PMFBP1: variants seen among roughly 807,000 people sequenced by gnomAD.
PMFBP1 encodes the protein polyamine-modulated factor 1-binding protein 1.
PMFBP1 carries 131 observed loss-of-function variants against 137.8 expected under a neutral mutation model. That is an observed-to-expected ratio of 0.95 (90% CI 0.82 to 1.10). PMFBP1 has a LOEUF of 1.10. PMFBP1 is among the 50% of genes least tolerant of loss of function. PMFBP1 has a pLI of 0.00. For missense variants in PMFBP1, 1,199 were observed against 1,175.4 expected, an observed-to-expected ratio of 1.02 and a Z score of -0.29; for synonymous variants, 490 against 450.4, an observed-to-expected ratio of 1.09 and a Z score of -1.11.
upstream of PMFBP1, chr16:72,173,890 C>T (rs1434721301): frequency 6.6e-6 from 1 of 152,286 alleles, no homozygotes; most frequent in East Asian, 1.9e-4. Flanking sequence ...GGACTTTGCT[C>T]ATGTCTCCCT....
chr16:72,191,273 T>C, the PMFBP1 span, among the ~76,000 whole-genome samples: 2 of 152,240 alleles, frequency 1.3e-5, no homozygotes, highest in Admixed American at 1.3e-4. Context: ...TAAGAAAATG[T>C]AAAACAATTT....
upstream of PMFBP1, among the ~76,000 whole-genome samples, chr16:72,178,364 T>C (rs1379646280): frequency 6.6e-6 from 1 of 152,212 alleles, no homozygotes; most frequent in Non-Finnish European, 1.5e-5. Context: ...AATAAATATA[T>C]TAAGGGAGAT....
the PMFBP1 span, among the ~76,000 whole-genome samples, chr16:72,202,757 G>A: frequency 6.6e-6 from 1 of 152,154 alleles, no homozygotes; most frequent in Admixed American, 6.5e-5. Context: ...CTGCTCCTCG[G>A]GCTTTTGACA....
chr16:72,181,250 AT>A (rs1417374378), upstream of PMFBP1, among the ~76,000 whole-genome samples: 23 of 148,436 alleles, frequency 1.5e-4, no homozygotes, highest in South Asian at 4.3e-4. Context: ...AAAAAAAAAA[AT>A]AATAATAATA....
upstream of PMFBP1, among the ~76,000 whole-genome samples, chr16:72,177,780 A>G (rs944207422): frequency 6.6e-6 from 1 of 152,074 alleles, no homozygotes; most frequent in Non-Finnish European, 1.5e-5. Flanking sequence ...ATATCTTTAG[A>G]CTCCACTAAT....
chr16:72,188,064 A>T, the PMFBP1 span, among the ~76,000 whole-genome samples: 21 of 152,218 alleles, frequency 1.4e-4, no homozygotes, highest in Non-Finnish European at 1.0e-4. Context: ...CCCATTTCAA[A>T]CCCCAAGACT....
Position 72,128,744 on chromosome 16 carries a change from T to C in PMFBP1, c.2001A>G (p.Ala667=). Residue 667 remains alanine, a synonymous_variant, in exon 14 of 21, where the codon GCA becomes GCG. Coordinates refer to ENST00000237353, the MANE Select transcript of PMFBP1 (RefSeq NM_031293.3). ...GTTGTGTAGAACAACACTGTAGCTC[T>C]GCTCGGAGATTCTCATTTTCTTCCT... ...KLEEENENLR[A]ELQCCSTQLE... is the part of the protein sequence containing the mutation. The C allele has an allele frequency of 1.2e-6, 2 of 1,614,232 alleles. No homozygotes were observed. Among genetic ancestry groups the C allele is most frequent in the African/African-American group, 1.3e-5 (1 of 75,070 alleles).
chr16:72,185,819 A>G, the PMFBP1 span, among the ~76,000 whole-genome samples: 1 of 152,202 alleles, frequency 6.6e-6, no homozygotes, highest in East Asian at 1.9e-4. Context: ...CTGTCATGAG[A>G]ACTGGAATAT....
chr16:72,140,748 A>C (rs1420886828), intron 5 of PMFBP1, among the ~76,000 whole-genome samples, 166 bp from the exon 6 acceptor site: 1 of 152,162 alleles, frequency 6.6e-6, no homozygotes, highest in African/African-American at 2.4e-5. Context: ...GTGCATATAC[A>C]TGTTAAAAAG....
At position 72,164,759 on chromosome 16, in the gene PMFBP1, C is replaced by T; in HGVS notation, c.165+5G>A. The T allele has an allele frequency of 6.3e-7, 1 of 1,584,908 alleles. No homozygotes were observed. Among genetic ancestry groups the T allele is most frequent in the Non-Finnish European group, 8.6e-7 (1 of 1,159,028 alleles). ...GGGGTGAGCGGCTGCTGCCAAGTCC[C>T]TTACGTGGCTGCTGTTCATTGCCTC... On this transcript the variant is annotated splice_donor_5th_base_variant and intron_variant, in intron 3 of 20. Coordinates refer to ENST00000237353, the MANE Select transcript of PMFBP1 (RefSeq NM_031293.3).
chr16:72,147,646 A>G (rs950842345), intron 5 of PMFBP1, among the ~76,000 whole-genome samples: 1 of 152,252 alleles, frequency 6.6e-6, no homozygotes, highest in Non-Finnish European at 1.5e-5. Context: ...GCTAATATCC[A>G]GAATCTACAA....
At chr16:72,200,303 A>T in the PMFBP1 span, among the ~76,000 whole-genome samples, 1 of 152,382 alleles carries the variant, frequency 6.6e-6, no homozygotes, top group African/African-American at 2.4e-5. Flanking sequence ...CCAGCTGTTC[A>T]TGAAACAGAT....
chr16:72,123,385 A>G lies in PMFBP1; in HGVS notation c.2693+161T>C, dbSNP rs532140971. Among the ~76,000 whole-genome samples the G allele has an allele frequency of 2.0e-5, 3 of 152,238 alleles. No individual in the cohort carries two copies. In the South Asian group the frequency reaches 6.2e-4, roughly 32 times the overall value. ...CTTTCCAGGCCTGCCTGAAGGGTTG[A>G]GCCCTCCTCTCCATCTTATTTCCAT... is the stretch of plus-strand genomic sequence containing the variant. On this transcript the variant is annotated intron_variant, in intron 18 of 20. Transcript: ENST00000237353.
chr16:72,244,135 A>C, the PMFBP1 span, among the ~76,000 whole-genome samples: 1 of 152,246 alleles, frequency 6.6e-6, no homozygotes, highest in Non-Finnish European at 1.5e-5. Context: ...AGAAATAAAA[A>C]GAGGAAGGCA....
At chr16:72,241,595 G>C in the PMFBP1 span, among the ~76,000 whole-genome samples, 1 of 152,082 alleles carries the variant, frequency 6.6e-6, no homozygotes, top group Non-Finnish European at 1.5e-5. Context: ...TCTACTTCAT[G>C]GGGGTGGGTT....
the PMFBP1 span, among the ~76,000 whole-genome samples, chr16:72,186,941 C>T: frequency 6.6e-6 from 1 of 151,712 alleles, no homozygotes; most frequent in South Asian, 2.1e-4. Flanking sequence ...GGCAAAACCC[C>T]ATCTCTACTA....
chr16:72,172,933 G>A (rs910528490), upstream of PMFBP1, among the ~76,000 whole-genome samples: 1 of 152,216 alleles, frequency 6.6e-6, no homozygotes, highest in Non-Finnish European at 1.5e-5. Flanking sequence ...TGCAATATCT[G>A]TGAAGCACAG....
chr16:72,184,535 C>A, the PMFBP1 span, among the ~76,000 whole-genome samples: 1 of 152,164 alleles, frequency 6.6e-6, no homozygotes, highest in Non-Finnish European at 1.5e-5. Context: ...TGCATAACAG[C>A]CCTATGGGTA....
the PMFBP1 span, among the ~76,000 whole-genome samples, chr16:72,190,274 C>G: frequency 2.0e-5 from 3 of 152,180 alleles, no homozygotes; most frequent in African/African-American, 7.2e-5. Flanking sequence ...ATCCTTGCTT[C>G]AAAGTTAAAC....
Sources: allele counts gnomAD v4.1 joint callset (sites outside exome capture counted in the v4.1 genomes callset), GRCh38; gene constraint gnomAD v4.1.1; transcripts MANE v1.5; gene names NCBI Gene and HGNC (gene_info 2026-07-23, HGNC 2026-07-21).